The following GINM1 variants were observed in gnomAD, a reference collection of about 807,000 sequenced individuals.
The protein encoded by GINM1 is glycosylated integral membrane protein 1.
Under a neutral mutation model 37.8 loss-of-function variants are expected in GINM1, and 29 were observed. The observed-to-expected ratio is 0.77, with a 90% confidence interval of 0.57 to 1.05. GINM1 has a LOEUF of 1.05. Ranked by LOEUF, GINM1 falls within the 50% of genes least tolerant of loss-of-function variation. The pLI, the probability that GINM1 is intolerant of heterozygous loss-of-function variation, is 0.00. For synonymous variants in GINM1, 143 were observed against 146.2 expected, an observed-to-expected ratio of 0.98 and a Z score of 0.16; for missense variants, 377 against 397.9, an observed-to-expected ratio of 0.95 and a Z score of 0.45.
chr6:149,573,219 C>T (rs569880638), intron 3 of GINM1, among the ~76,000 whole-genome samples: 26 of 152,080 alleles, frequency 1.7e-4, no homozygotes, highest in South Asian at 2.1e-4. Flanking sequence ...GCAGGAGAAT[C>T]GTTTGAACCC....
intron 1 of GINM1, among the ~76,000 whole-genome samples, chr6:149,571,025 T>C (rs1777810144): frequency 6.6e-6 from 1 of 152,104 alleles, no homozygotes; most frequent in Non-Finnish European, 1.5e-5. Flanking sequence ...AAAGGGTCAG[T>C]GCAACTTTGG....
At chr6:149,580,753 C>T (rs1777987884) in intron 6 of GINM1, 30 bp downstream of exon 6, 2 of 1,503,744 alleles carry the variant, frequency 1.3e-6, no homozygotes, top group South Asian at 2.3e-5. Context: ...TTATCATAAG[C>T]ATTCATGGTT....
At chr6:149,588,206 T>C (rs1313334588) in intron 7 of GINM1, among the ~76,000 whole-genome samples, 4 of 152,222 alleles carry the variant, frequency 2.6e-5, no homozygotes, top group Non-Finnish European at 4.4e-5. Flanking sequence ...GATGATAATC[T>C]TTTTTGGTTT....
In GINM1 at chr6:149,578,832, A is replaced by G; in HGVS notation, c.288A>G (p.Glu96=). ...CTTTTTTTTTTATAGTGAAGAATGA[A>G]AATCTTGAAAATTTGGAGGAAAAAG... ...ISCQTLIVKN[E]NLENLEEKEY... The change falls in exon 4 of 8, where the codon GAA becomes GAG. Residue 96 remains glutamate, a synonymous_variant. Coordinates refer to ENST00000367419, the MANE Select transcript of GINM1 (RefSeq NM_138785.5). 6.3e-7 allele frequency: 1 copy of G among 1,576,776 alleles called. No homozygotes were observed. The highest frequency in any genetic ancestry group is 8.6e-7 in the Non-Finnish European group (1 of 1,156,238).
intron 3 of GINM1, among the ~76,000 whole-genome samples, chr6:149,573,906 G>A (rs1453573388): frequency 6.6e-6 from 1 of 151,468 alleles, no homozygotes; most frequent in Non-Finnish European, 1.5e-5. Flanking sequence ...CTAGTATTCA[G>A]TTTCTTCTAC....
At chr6:149,589,872 C>T (rs1482981968) in intron 7 of GINM1, among the ~76,000 whole-genome samples, 1 of 152,132 alleles carries the variant, frequency 6.6e-6, no homozygotes, top group African/African-American at 2.4e-5. Context: ...GATCTCGGCT[C>T]ACTGCAACCT....
intron 6 of GINM1, 124 bp from the exon 7 acceptor site, chr6:149,582,316 T>G: frequency 2.5e-6 from 2 of 811,760 alleles, no homozygotes; most frequent in Non-Finnish European, 4.1e-6. Flanking sequence ...GTCACCCATG[T>G]AACTACCAGC....
At chr6:149,583,184 C>T (rs1778025740) in intron 7 of GINM1, among the ~76,000 whole-genome samples, 1 of 151,854 alleles carries the variant, frequency 6.6e-6, no homozygotes, top group African/African-American at 2.4e-5. Context: ...AAAAAATTAG[C>T]CTGGACCTGG....
Position 149,580,579 on chromosome 6 carries a change from T to C in GINM1, c.587-14T>C. The C allele has an allele frequency of 1.2e-6, 2 of 1,601,136 alleles. No homozygotes were observed. The highest frequency in any genetic ancestry group is 1.7e-6 in the Non-Finnish European group (2 of 1,174,258). ...CACCAGCATTTTGGTAACGTTGCTC[T>C]TTCTCCTGGGTAGAAAGTGTTAGTT... On this transcript the variant is annotated splice_polypyrimidine_tract_variant and intron_variant, in intron 5 of 7. Coordinates refer to ENST00000367419, the MANE Select transcript of GINM1 (RefSeq NM_138785.5).
chr6:149,579,029 T>C, intron 4 of GINM1, 56 bp downstream of exon 4: 2 of 1,107,748 alleles, frequency 1.8e-6, no homozygotes, highest in Non-Finnish European at 2.6e-6. Context: ...TTGTGCTAGA[T>C]ATTATGCATG....
intron 7 of GINM1, among the ~76,000 whole-genome samples, chr6:149,585,662 G>T: frequency 6.6e-6 from 1 of 151,674 alleles, no homozygotes; most frequent in East Asian, 1.9e-4. Flanking sequence ...GCACAATCTC[G>T]GCTCGCTGCA....
chr6:149,569,634 G>A (rs1054974339), intron 1 of GINM1, among the ~76,000 whole-genome samples: 4 of 152,098 alleles, frequency 2.6e-5, no homozygotes, highest in African/African-American at 9.7e-5. Context: ...CACCATGCCC[G>A]ACCGAAAAAT....
Position 149,578,859 on chromosome 6 carries a change from A to G in GINM1, c.315A>G (p.Glu105=). The G allele has an allele frequency of 1.9e-6, 3 of 1,588,780 alleles. No homozygotes were observed. Among genetic ancestry groups the G allele is most frequent in the Non-Finnish European group, 2.6e-6 (3 of 1,164,716 alleles). ...NENLENLEEK[E]YFGIVSVRIL... is the part of the protein sequence containing the mutation. Reference sequence around the variant, plus strand: ...ATCTTGAAAATTTGGAGGAAAAAGAATATTTTGGAATTGTCAGTGTAAGGA... The same window carrying G: ...ATCTTGAAAATTTGGAGGAAAAAGAGTATTTTGGAATTGTCAGTGTAAGGA... The change falls in exon 4 of 8, where the codon GAA becomes GAG. Residue 105 remains glutamate (E), a synonymous_variant. Coordinates refer to ENST00000367419, the MANE Select transcript of GINM1 (RefSeq NM_138785.5).
intron 7 of GINM1, among the ~76,000 whole-genome samples, chr6:149,587,830 A>G (rs1778095731): frequency 2.0e-5 from 3 of 152,108 alleles, no homozygotes; most frequent in African/African-American, 7.2e-5. Flanking sequence ...GATGGGACTG[A>G]TCTCATGGTT....
In GINM1 at chr6:149,590,720, A is replaced by G. The variant is rs1227431945; in HGVS notation, c.882-7A>G. On this transcript the variant is annotated splice_region_variant and splice_polypyrimidine_tract_variant and intron_variant, in intron 7 of 7. Coordinates refer to ENST00000367419, the MANE Select transcript of GINM1 (RefSeq NM_138785.5). ...TTTTGATAGTAATTAATCACTTTCT[A>G]TTTCAGAGGAATTCTTCAGTTGGAT... 3 of 1,394,014 alleles carry G rather than the reference A, an allele frequency of 2.2e-6. No individual in the cohort carries two copies. The highest frequency in any genetic ancestry group is 1.2e-5 in the South Asian group (1 of 83,506). The allele number at this position is 1,394,014 out of a possible 1,614,324, so 86.4% of individuals were successfully genotyped here. A position where few individuals can be genotyped will look rare whatever the true frequency, so the allele number is the denominator to read the frequency against.
chr6:149,574,102 A>G (rs541644650), intron 3 of GINM1, among the ~76,000 whole-genome samples: 26 of 148,606 alleles, frequency 1.7e-4, no homozygotes, highest in Non-Finnish European at 2.7e-4. Flanking sequence ...CCAGGCTGGA[A>G]TGCAGTGGCG....
chr6:149,580,083 A>G lies in GINM1; in HGVS notation c.586+93A>G, dbSNP rs114454053. The G allele has an allele frequency of 1.4e-3, 1,140 of 805,368 alleles. 11 individuals are homozygous for G. In the African/African-American group the frequency reaches 0.018, roughly 13 times the overall value. The allele number at this position is 805,368 out of a possible 1,614,324, so 49.9% of individuals were successfully genotyped here. Reference sequence around the variant, plus strand: ...CTTGAACTTTGTTATTTTTTACACTATTTGCAAAAGTTGCTATTTATCTTT... The same window carrying G: ...CTTGAACTTTGTTATTTTTTACACTGTTTGCAAAAGTTGCTATTTATCTTT... On this transcript the variant is annotated intron_variant, in intron 5 of 7. Transcript: ENST00000367419.
Position 149,572,151 on chromosome 6 carries a change from A to G in GINM1, c.121-134A>G, listed in dbSNP as rs189331292. 1.1e-4 allele frequency: 50 copies of G among 439,588 alleles called. 1 individual carries two copies. The highest frequency in any genetic ancestry group is 8.7e-4 in the African/African-American group (43 of 49,676). 27.2% of individuals were successfully genotyped at this position (439,588 alleles called of 1,614,324 possible). On this transcript the variant is annotated intron_variant, in intron 1 of 7. Transcript: ENST00000367419. ...GAAAAATGGCTATAAAATGGAAAAG[A>G]TGATCTTTTAAACTCTCTTAATGCT...
In GINM1 at chr6:149,566,632, A is replaced by G. The variant is rs1401167979; in HGVS notation, c.120+98A>G. On this transcript the variant is annotated intron_variant, in intron 1 of 7. Coordinates refer to ENST00000367419, the MANE Select transcript of GINM1 (RefSeq NM_138785.5). The surrounding 1 kb of genome is among the most constrained non-coding windows in gnomAD (Gnocchi z 4.4). Reference sequence around the variant, plus strand: ...CGCTTCCCACATCCCACCGGCGGGCAGGGGCGGGGGTCCGGGCCCCCGAAG... The same window carrying G: ...CGCTTCCCACATCCCACCGGCGGGCGGGGGCGGGGGTCCGGGCCCCCGAAG... The G allele has an allele frequency of 1.0e-5, 14 of 1,358,040 alleles. No homozygotes were observed. Among genetic ancestry groups the G allele is most frequent in the Non-Finnish European group, 1.3e-5 (14 of 1,050,580 alleles). 84.1% of individuals were successfully genotyped at this position (1,358,040 alleles called of 1,614,324 possible). A position where few individuals can be genotyped will look rare whatever the true frequency, so the allele number is the denominator to read the frequency against.
Sources: allele counts gnomAD v4.1 joint callset (sites outside exome capture counted in the v4.1 genomes callset), GRCh38; gene constraint gnomAD v4.1.1; non-coding constraint Gnocchi (gnomAD v3.1); transcripts MANE v1.5; gene names NCBI Gene and HGNC (gene_info 2026-07-23, HGNC 2026-07-21).